The following DUS2 variants were observed in gnomAD, a reference collection of about 807,000 sequenced individuals.
The protein encoded by DUS2 is dihydrouridine synthase 2.
Under a neutral mutation model 71.3 loss-of-function variants are expected in DUS2, and 52 were observed. That is an observed-to-expected ratio of 0.73 (90% CI 0.58 to 0.92). The LOEUF is 0.92. Among genes scored for constraint, DUS2 ranks in the 40% least tolerant of loss-of-function variants. The pLI is 0.00. For missense variants in DUS2, 558 were observed against 622.6 expected, an observed-to-expected ratio of 0.90 and a Z score of 1.10; for synonymous variants, 204 against 227.8, an observed-to-expected ratio of 0.90 and a Z score of 0.94.
At chr16:68,060,898 A>G (rs2033930447) in intron 7 of DUS2, among the ~76,000 whole-genome samples, 168 bp from the exon 8 acceptor site, 1 of 152,106 alleles carries the variant, frequency 6.6e-6, no homozygotes, top group Non-Finnish European at 1.5e-5. Flanking sequence ...TGTTATGGGC[A>G]CAGATACTGC....
chr16:68,067,070 T>C (rs2034017165), intron 10 of DUS2, among the ~76,000 whole-genome samples: 1 of 76,176 alleles, frequency 1.3e-5, no homozygotes, highest in African/African-American at 5.6e-5. Flanking sequence ...CTCCCTTCCT[T>C]CCTTCCCTCC....
chr16:68,038,021 G>GT lies in DUS2; in HGVS notation c.-3_-2insT. 2 of 1,613,034 alleles carry GT rather than the reference G, an allele frequency of 1.2e-6. No homozygotes were observed. The highest frequency in any genetic ancestry group is 1.7e-6 in the Non-Finnish European group (2 of 1,179,554). On this transcript the variant is annotated 5_prime_UTR_variant, in exon 3 of 17. Transcript: ENST00000565263. ...TTTTTTTCAGGCTGTAACAGAGGAG[G>GT]AAATGATTTTGAATAGCCTCTCTCT... is the stretch of plus-strand genomic sequence containing the variant.
intron 5 of DUS2, chr16:68,053,968 A>C (rs934870008): frequency 1.6e-5 from 5 of 317,678 alleles, no homozygotes; most frequent in African/African-American, 1.0e-4. Flanking sequence ...CTCAGATCAT[A>C]GTCTTTGTTT....
At chr16:68,037,131 A>G (rs2033541838) in intron 2 of DUS2, among the ~76,000 whole-genome samples, 1 of 151,986 alleles carries the variant, frequency 6.6e-6, no homozygotes, top group South Asian at 2.1e-4. Context: ...GTAAAAAAAA[A>G]ATGATTGAAA....
chr16:68,066,082 T>C (rs1199484581), intron 8 of DUS2, among the ~76,000 whole-genome samples: 1 of 152,234 alleles, frequency 6.6e-6, no homozygotes, highest in Non-Finnish European at 1.5e-5. Flanking sequence ...TTGACAAATA[T>C]GTGTATACCA....
intron 2 of DUS2, among the ~76,000 whole-genome samples, chr16:68,033,027 C>CT (rs2033463879): frequency 1.3e-5 from 2 of 151,828 alleles, no homozygotes; most frequent in South Asian, 4.1e-4. Flanking sequence ...CATGCAGGGC[C>CT]TTGTGGGCCA....
At chr16:68,025,804 A>G (rs2033340180) in intron 2 of DUS2, among the ~76,000 whole-genome samples, 1 of 152,196 alleles carries the variant, frequency 6.6e-6, no homozygotes, top group South Asian at 2.1e-4. Context: ...ATTGTGAAAA[A>G]AAATCTAAGC....
At chr16:68,048,783 A>G (rs540489737) in intron 3 of DUS2, among the ~76,000 whole-genome samples, 15 of 150,220 alleles carry the variant, frequency 1.0e-4, no homozygotes, top group African/African-American at 3.8e-4. Flanking sequence ...CTGGACCCCC[A>G]GAATCCATGG....
chr16:68,038,145 G>A lies in DUS2; in HGVS notation c.122G>A (p.Cys41Tyr). 6.2e-7 allele frequency: 1 copy of A among 1,613,776 alleles called. No individual in the cohort carries two copies. Among genetic ancestry groups the A allele is most frequent in the South Asian group, 1.1e-5 (1 of 91,070 alleles). The change falls in exon 3 of 17, where the codon TGT becomes TAT. Residue 41 changes from cysteine (C) to tyrosine (Y), a missense_variant. Transcript: ENST00000565263. The part of the protein sequence containing the change: ...ALDYGADIVY[C>Y]EELIDLKMIQ... ...GATTATGGAGCGGACATTGTTTACT[G>A]TGAGGTAAGGGGCTCTGATTTTCTG...
chr16:68,055,344 C>T (rs893641975), intron 6 of DUS2, among the ~76,000 whole-genome samples: 8 of 152,034 alleles, frequency 5.3e-5, no homozygotes, highest in African/African-American at 1.9e-4. Context: ...GTCCCAACTA[C>T]TTGGAAGACT....
intron 8 of DUS2, among the ~76,000 whole-genome samples, chr16:68,061,618 G>A (rs2033941620): frequency 6.6e-6 from 1 of 152,212 alleles, no homozygotes; most frequent in African/African-American, 2.4e-5. Context: ...GCTGAAGTTA[G>A]TCTCTCTCTG....
chr16:68,045,650 T>C (rs1352547858), intron 3 of DUS2, among the ~76,000 whole-genome samples: 1 of 151,842 alleles, frequency 6.6e-6, no homozygotes, highest in Non-Finnish European at 1.5e-5. Context: ...ATAGTTTTAC[T>C]TTTTCCTTTC....
chr16:68,047,264 C>G (rs1270966288), intron 3 of DUS2, among the ~76,000 whole-genome samples: 1 of 151,338 alleles, frequency 6.6e-6, no homozygotes, highest in Non-Finnish European at 1.5e-5. Context: ...CCATGTTGGC[C>G]AGGCTGGCCT....
intron 8 of DUS2, among the ~76,000 whole-genome samples, chr16:68,063,133 C>A (rs1352806206): frequency 6.6e-6 from 1 of 152,230 alleles, no homozygotes; most frequent in African/African-American, 2.4e-5. Context: ...AGCAGAGATA[C>A]ACTCAACCTC....
intron 10 of DUS2, among the ~76,000 whole-genome samples, chr16:68,068,588 T>C (rs1262230271): frequency 4.4e-5 from 6 of 134,980 alleles, no homozygotes; most frequent in African/African-American, 8.7e-5. Context: ...CTCTCTCTTT[T>C]TTTTTTTTTT....
chr16:68,044,396 CTTT>C (rs1001911267), intron 3 of DUS2, among the ~76,000 whole-genome samples: 4 of 135,528 alleles, frequency 3.0e-5, no homozygotes, highest in Non-Finnish European at 3.2e-5. Flanking sequence ...TCTTTAATTT[CTTT>C]TTTTTTTTTT....
chr16:68,038,184 A>G (rs563983494), intron 3 of DUS2, 35 bp downstream of exon 3: 8 of 1,610,580 alleles, frequency 5.0e-6, no homozygotes, highest in East Asian at 4.5e-5. Context: ...GGGCTTCTCC[A>G]CAAGTACAGA....
At chr16:68,049,801 G>A (rs967575966) in intron 4 of DUS2, among the ~76,000 whole-genome samples, 9 of 152,288 alleles carry the variant, frequency 5.9e-5, no homozygotes, top group Non-Finnish European at 1.0e-4. Context: ...AGCATAGGAG[G>A]GACTCTAGGA....
At chr16:68,071,684 T>G (rs1598318836) in intron 12 of DUS2, among the ~76,000 whole-genome samples, 1 of 147,300 alleles carries the variant, frequency 6.8e-6, no homozygotes, top group African/African-American at 2.5e-5. Context: ...GTTGCCCAGG[T>G]GTGAGCATAG....
Sources: gnomAD v4.1 joint callset for allele counts (sites outside exome capture counted in the v4.1 genomes callset) on GRCh38, gnomAD v4.1.1 for gene constraint, MANE v1.5 for transcripts, NCBI Gene and HGNC (gene_info 2026-07-23, HGNC 2026-07-21) for gene names.